Variants in NLRP13 observed in about 807,000 individuals in gnomAD.
The protein encoded by NLRP13 is NACHT, LRR and PYD domains-containing protein 13.
NLRP13 carries 82 observed loss-of-function variants against 94.4 expected under a neutral mutation model. The ratio of observed to expected loss-of-function variants is 0.87; its 90% CI spans 0.73 to 1.04. NLRP13 has a LOEUF of 1.04. Among genes scored for constraint, NLRP13 ranks in the 50% least tolerant of loss-of-function variants. The pLI, the probability that NLRP13 is intolerant of heterozygous loss-of-function variation, is 0.00. For missense variants in NLRP13, 1,426 were observed against 1,230.8 expected, an observed-to-expected ratio of 1.16 and a Z score of -2.37; for synonymous variants, 553 against 464.7, an observed-to-expected ratio of 1.19 and a Z score of -2.45.
intron 4 of NLRP13, among the ~76,000 whole-genome samples, chr19:55,922,218 G>A (rs370916670): frequency 6.6e-6 from 1 of 152,068 alleles, no homozygotes; most frequent in Non-Finnish European, 1.5e-5. Context: ...ATGACACATG[G>A]GAATTATGGG....
intron 4 of NLRP13, among the ~76,000 whole-genome samples, chr19:55,919,341 A>G (rs976082799): frequency 6.6e-6 from 1 of 152,152 alleles, no homozygotes; most frequent in African/African-American, 2.4e-5. Flanking sequence ...CACCACTCCT[A>G]TTCAACACAA....
At chr19:55,909,659 A>G (rs904698874) in intron 6 of NLRP13, among the ~76,000 whole-genome samples, 8 of 152,210 alleles carry the variant, frequency 5.3e-5, no homozygotes, top group African/African-American at 1.9e-4. Context: ...TTACAAAGAT[A>G]GGTACACACA....
chr19:55,913,417 G>A, intron 4 of NLRP13, 124 bp from the exon 5 acceptor site: 2 of 1,095,514 alleles, frequency 1.8e-6, no homozygotes, highest in Non-Finnish European at 2.6e-6. Flanking sequence ...GGATTTTGTG[G>A]GAATGCAGTG....
chr19:55,913,548 C>CAAAAAAAAAAAAAAAAAAA lies in NLRP13; in HGVS notation c.524-274_524-256dup, dbSNP rs10530056. Among the ~76,000 whole-genome samples the CAAAAAAAAAAAAAAAAAAA allele has an allele frequency of 4.7e-3, 242 of 52,038 alleles. 24 individuals carry two copies. The highest frequency in any genetic ancestry group is 6.5e-3 in the Non-Finnish European group (163 of 24,986). The allele number at this position is 52,038 out of a possible 152,430, so 34.1% of individuals were successfully genotyped here. On this transcript the variant is annotated intron_variant, in intron 4 of 10. Coordinates refer to ENST00000342929, the MANE Select transcript of NLRP13 (RefSeq NM_176810.2). ...TGGGTGACAGAGTGAGACTCCGTCT[C>CAAAAAAAAAAAAAAAAAAA]AAAAAAAAAAAAAAAAAAAAAAAGT...
Position 55,913,193 on chromosome 19 carries a change from T to C in NLRP13, c.624A>G (p.Ser208=). 1 of 1,614,150 alleles carries C rather than the reference T, an allele frequency of 6.2e-7. No homozygotes were observed. The highest frequency in any genetic ancestry group is 8.5e-7 in the Non-Finnish European group (1 of 1,180,034). ...PKDHVYIRNT[S]KDEHEELQRL... is the part of the protein sequence containing the mutation. ...GCTGCAGTTCCTCATGTTCGTCCTT[T>C]GATGTATTACGGATATATACGTGGT... The change falls in exon 5 of 11, where the codon TCA becomes TCG. Residue 208 remains serine (S), a synonymous_variant. Coordinates refer to ENST00000342929, the MANE Select transcript of NLRP13 (RefSeq NM_176810.2).
intron 8 of NLRP13, among the ~76,000 whole-genome samples, chr19:55,902,991 T>C (rs1424520666): frequency 6.6e-6 from 1 of 150,822 alleles, no homozygotes; most frequent in Non-Finnish European, 1.5e-5. Context: ...ATATTAGTCA[T>C]AATTATATAA....
At chr19:55,904,380 G>T (rs541714895) in intron 8 of NLRP13, among the ~76,000 whole-genome samples, 1 of 152,040 alleles carries the variant, frequency 6.6e-6, no homozygotes, top group Non-Finnish European at 1.5e-5. Flanking sequence ...GAGCCACCTT[G>T]CCCAGCCCAA....
intron 8 of NLRP13, among the ~76,000 whole-genome samples, chr19:55,903,088 A>G (rs1986234835): frequency 1.3e-5 from 2 of 152,030 alleles, no homozygotes; most frequent in Non-Finnish European, 2.9e-5. Flanking sequence ...TATACTAATT[A>G]TTAGGGCTAT....
intron 8 of NLRP13, 118 bp downstream of exon 8, chr19:55,904,824 A>C: frequency 2.4e-6 from 2 of 821,364 alleles, no homozygotes; most frequent in Non-Finnish European, 3.6e-6. Context: ...GGCACATAGT[A>C]ATTACTCAAT....
At position 55,912,160 on chromosome 19, in the gene NLRP13, G is replaced by T. The variant is rs1228067403; in HGVS notation, c.1657C>A (p.Pro553Thr). ...GTGGAATGGGGAGGGAATTCTCTAG[G>T]TTCCTCTAGCACAAAGGACATGGCT... ...FAAMSFVLEE[P>T]REFPPHSTKP... Residue 553 changes from proline to threonine, a missense_variant, in exon 5 of 11, where the codon CCT becomes ACT. Transcript: ENST00000342929. The T allele has an allele frequency of 5.0e-6, 8 of 1,614,034 alleles. No individual in the cohort carries two copies. Among genetic ancestry groups the T allele is most frequent in the Non-Finnish European group, 5.9e-6 (7 of 1,180,024 alleles).
At chr19:55,925,121 CCTT>C in intron 1 of NLRP13, 86 bp from the exon 2 acceptor site, 3 of 1,179,198 alleles carry the variant, frequency 2.5e-6, no homozygotes, top group East Asian at 2.4e-5. Context: ...AGAACCAACT[CCTT>C]CTATGACAAA....
At chr19:55,927,640 T>C (rs781386091) in intron 1 of NLRP13, among the ~76,000 whole-genome samples, 2 of 152,060 alleles carry the variant, frequency 1.3e-5, no homozygotes, top group Non-Finnish European at 2.9e-5. Flanking sequence ...CAATCATCCA[T>C]AAACCACCAG....
chr19:55,905,255 A>T, intron 7 of NLRP13, 143 bp from the exon 8 acceptor site: 1 of 921,992 alleles, frequency 1.1e-6, no homozygotes, highest in Non-Finnish European at 1.6e-6. Context: ...AAGAAGGAGA[A>T]AAAGGGCCAG....
downstream of NLRP13, among the ~76,000 whole-genome samples, chr19:55,895,646 G>A (rs980777951): frequency 6.6e-6 from 1 of 152,142 alleles, no homozygotes; most frequent in African/African-American, 2.4e-5. Context: ...TGACACAACT[G>A]CACTCTAGCC....
At chr19:55,909,305 C>A (rs1986439153) in intron 6 of NLRP13, among the ~76,000 whole-genome samples, 1 of 152,156 alleles carries the variant, frequency 6.6e-6, no homozygotes, top group African/African-American at 2.4e-5. Context: ...AGCAGGGGAC[C>A]AATACGCTTT....
At chr19:55,903,454 A>T (rs1986245990) in intron 8 of NLRP13, among the ~76,000 whole-genome samples, 1 of 152,154 alleles carries the variant, frequency 6.6e-6, no homozygotes, top group Admixed American at 6.5e-5. Context: ...GAGCAGCACG[A>T]TGCAGCTAGA....
intron 1 of NLRP13, among the ~76,000 whole-genome samples, chr19:55,931,384 G>A (rs2903498): frequency 0.18 from 27,921 of 151,652 alleles, 2,794 homozygotes; most frequent in African/African-American, 0.26. Context: ...TTCCCAGTAC[G>A]ACAATCACAC....
intron 10 of NLRP13, among the ~76,000 whole-genome samples, chr19:55,898,200 GTT>G (rs149121317): frequency 7.4e-6 from 1 of 135,574 alleles, no homozygotes; most frequent in Non-Finnish European, 1.6e-5. Flanking sequence ...GAGAGTTTTT[GTT>G]TTTGTTTTTG....
Position 55,896,132 on chromosome 19 carries a change from G to A in NLRP13, c.2958-13C>T. 6.2e-7 allele frequency: 1 copy of A among 1,613,382 alleles called. No homozygotes were observed. Among genetic ancestry groups the A allele is most frequent in the Non-Finnish European group, 8.5e-7 (1 of 1,179,636 alleles). On this transcript the variant is annotated splice_polypyrimidine_tract_variant and intron_variant, in intron 10 of 10. Coordinates refer to ENST00000342929, the MANE Select transcript of NLRP13 (RefSeq NM_176810.2). ...GCATTTCGCCAACCTAGGGGCGGGT[G>A]GGAAGAAAGCACAACAGATAGTCCT...
Sources: gnomAD v4.1 joint callset for allele counts (sites outside exome capture counted in the v4.1 genomes callset) on GRCh38, gnomAD v4.1.1 for gene constraint, MANE v1.5 for transcripts, NCBI Gene and HGNC (gene_info 2026-07-23, HGNC 2026-07-21) for gene names.